SPIRE1: variants seen among roughly 807,000 people sequenced by gnomAD.
SPIRE1 encodes protein spire homolog 1.
SPIRE1 carries 40 observed loss-of-function variants against 94.1 expected under a neutral mutation model. The ratio of observed to expected loss-of-function variants is 0.43; its 90% confidence interval spans 0.33 to 0.55. SPIRE1 has a LOEUF of 0.55. Ranked by LOEUF, SPIRE1 falls within the 20% of genes least tolerant of loss-of-function variation. The probability of loss-of-function intolerance (pLI) is 0.06; values close to 1 mark genes in which losing one functional copy is unlikely to be tolerated. For missense variants in SPIRE1, 838 were observed against 975.2 expected, an observed-to-expected ratio of 0.86 and a Z score of 1.87; for synonymous variants, 376 against 371.7, an observed-to-expected ratio of 1.01 and a Z score of -0.13.
chr18:12,526,282 T>C (rs1268487972), intron 4 of SPIRE1, among the ~76,000 whole-genome samples: 2 of 152,182 alleles, frequency 1.3e-5, no homozygotes, highest in Non-Finnish European at 2.9e-5. Flanking sequence ...TCTCATCTCC[T>C]GGCCTTCATG....
chr18:12,656,023 C>G (rs1156727376), intron 1 of SPIRE1, among the ~76,000 whole-genome samples: 1 of 152,122 alleles, frequency 6.6e-6, no homozygotes, highest in East Asian at 1.9e-4. Flanking sequence ...CTCAGCCTCC[C>G]GAGTAGCTGG....
intron 2 of SPIRE1, among the ~76,000 whole-genome samples, chr18:12,603,555 A>G (rs1261775613): frequency 1.3e-5 from 2 of 149,086 alleles, no homozygotes; most frequent in African/African-American, 2.5e-5. Context: ...CTGACGTCTG[A>G]GCTGATCACC....
chr18:12,503,114 A>C (rs1301161960), intron 6 of SPIRE1, among the ~76,000 whole-genome samples: 1 of 125,202 alleles, frequency 8.0e-6, no homozygotes, highest in Non-Finnish European at 1.6e-5. Flanking sequence ...GTCTCAAAAA[A>C]AAAGAAAAAA....
intron 2 of SPIRE1, among the ~76,000 whole-genome samples, chr18:12,553,089 A>G (rs1377908097): frequency 6.6e-6 from 1 of 152,048 alleles, no homozygotes; most frequent in South Asian, 2.1e-4. Context: ...GTAGTACGCC[A>G]TGGACCTTGG....
At chr18:12,653,904 C>A (rs945853399) in intron 1 of SPIRE1, among the ~76,000 whole-genome samples, 6 of 151,346 alleles carry the variant, frequency 4.0e-5, no homozygotes, top group Non-Finnish European at 5.9e-5. Flanking sequence ...CAAGATTGCG[C>A]CATTGCACTC....
upstream of SPIRE1, among the ~76,000 whole-genome samples, chr18:12,661,054 T>C (rs2144934330): frequency 6.6e-6 from 1 of 152,354 alleles, no homozygotes; most frequent in African/African-American, 2.4e-5. Context: ...ACGCCTGTAA[T>C]CCCAGCAGTT....
intron 11 of SPIRE1, among the ~76,000 whole-genome samples, chr18:12,464,007 AG>A (rs2031985572): frequency 6.6e-6 from 1 of 152,224 alleles, no homozygotes. Flanking sequence ...TGAAAACAAA[AG>A]GAGAACATTA....
At chr18:12,469,276 C>G (rs924674957) in intron 10 of SPIRE1, among the ~76,000 whole-genome samples, 1 of 151,856 alleles carries the variant, frequency 6.6e-6, no homozygotes, top group Non-Finnish European at 1.5e-5. Flanking sequence ...GATCTCAGAT[C>G]ACTGCAATTT....
At chr18:12,615,352 ATATATATATATATATATATATGCATGTAT>A (rs2037270756) in intron 2 of SPIRE1, among the ~76,000 whole-genome samples, 1 of 83,450 alleles carries the variant, frequency 1.2e-5, no homozygotes. Context: ...AAAAATATAT[ATATATATATATATATATATATGCATGTAT>A]ATAAAAAAAA....
chr18:12,452,227 G>A (rs1269471287), intron 16 of SPIRE1, 28 bp downstream of exon 16: 2 of 1,612,718 alleles, frequency 1.2e-6, no homozygotes, highest in Admixed American at 3.3e-5. Flanking sequence ...TGCAAAGGAT[G>A]GTTTGACAAC....
intron 2 of SPIRE1, among the ~76,000 whole-genome samples, chr18:12,618,258 T>C (rs9953752): frequency 0.98 from 149,198 of 152,046 alleles, 73,253 homozygotes; most frequent in Middle Eastern, 1. Flanking sequence ...CCTGCCACTA[T>C]GCCCGGCTAA....
chr18:12,631,685 C>T (rs1226164230), intron 2 of SPIRE1, among the ~76,000 whole-genome samples: 1 of 151,348 alleles, frequency 6.6e-6, no homozygotes, highest in East Asian at 1.9e-4. Flanking sequence ...ACCAGCCTGG[C>T]AAAACCCTGT....
At chr18:12,466,756 G>C (rs2032120714) in intron 10 of SPIRE1, among the ~76,000 whole-genome samples, 1 of 151,840 alleles carries the variant, frequency 6.6e-6, no homozygotes, top group African/African-American at 2.4e-5. Flanking sequence ...AGGATGTGTG[G>C]GTTTGTTACA....
intron 2 of SPIRE1, among the ~76,000 whole-genome samples, chr18:12,634,265 A>AT (rs372536958): frequency 0.17 from 24,526 of 143,448 alleles, 2,104 homozygotes; most frequent in East Asian, 0.24. Flanking sequence ...AAATAAAAAA[A>AT]AAAAAAAATA....
chr18:12,580,217 G>T (rs2036219634), intron 2 of SPIRE1, among the ~76,000 whole-genome samples: 1 of 152,128 alleles, frequency 6.6e-6, no homozygotes, highest in African/African-American at 2.4e-5. Flanking sequence ...CTATTTTCTT[G>T]AGTGAAAAAA....
intron 3 of SPIRE1, among the ~76,000 whole-genome samples, chr18:12,538,045 A>G (rs1313219316): frequency 1.3e-5 from 2 of 152,144 alleles, no homozygotes; most frequent in Non-Finnish European, 2.9e-5. Flanking sequence ...GCAACAACCC[A>G]ATTTAGAGAT....
chr18:12,626,113 G>A (rs902261305), intron 2 of SPIRE1, among the ~76,000 whole-genome samples: 1 of 150,258 alleles, frequency 6.7e-6, no homozygotes, highest in African/African-American at 2.4e-5. Context: ...ATCAATTATG[G>A]GTAGTGAGCT....
At chr18:12,589,818 G>A (rs1408907559) in intron 2 of SPIRE1, among the ~76,000 whole-genome samples, 1 of 152,188 alleles carries the variant, frequency 6.6e-6, no homozygotes, top group African/African-American at 2.4e-5. Context: ...AAACAGGGAA[G>A]CAGGGACCAA....
At chr18:12,628,109 T>C (rs1349493711) in intron 2 of SPIRE1, among the ~76,000 whole-genome samples, 1 of 152,212 alleles carries the variant, frequency 6.6e-6, no homozygotes, top group Non-Finnish European at 1.5e-5. Context: ...TTTGGTGTTT[T>C]AGTCATGAAG....
Sources: allele counts gnomAD v4.1 joint callset (sites outside exome capture counted in the v4.1 genomes callset), GRCh38; gene constraint gnomAD v4.1.1; transcripts MANE v1.5; gene names NCBI Gene and HGNC (gene_info 2026-07-23, HGNC 2026-07-21).